DCAF6: variants seen among roughly 807,000 people sequenced by gnomAD.
DCAF6 encodes DDB1 and CUL4 associated factor 6, also known as DDB1- and CUL4-associated factor 6.
DCAF6 carries 54 observed loss-of-function variants against 125.1 expected under a neutral mutation model. That is an observed-to-expected ratio of 0.43 (90% CI 0.35 to 0.54). DCAF6 has a LOEUF of 0.54. Among genes scored for constraint, DCAF6 ranks in the 20% least tolerant of loss-of-function variants. The probability of loss-of-function intolerance (pLI) is 0.01; values close to 1 mark genes in which losing one functional copy is unlikely to be tolerated. For synonymous variants in DCAF6, 371 were observed against 390.4 expected (o/e 0.95, Z 0.58); for missense variants, 934 against 1,161.7 (o/e 0.80, Z 2.85).
intron 10 of DCAF6, among the ~76,000 whole-genome samples, chr1:168,010,114 G>A (rs1368224348): frequency 6.6e-6 from 1 of 152,168 alleles, no homozygotes; most frequent in Non-Finnish European, 1.5e-5. Flanking sequence ...GAGAGATGCT[G>A]TGATTAGCTG....
At chr1:167,913,690 G>A in the DCAF6 span, among the ~76,000 whole-genome samples, 2 of 150,962 alleles carry the variant, frequency 1.3e-5, no homozygotes, top group South Asian at 4.3e-4. Flanking sequence ...GGTAGTTGTT[G>A]ACTGATAAAA....
chr1:168,025,984 T>C (rs1034114432), intron 12 of DCAF6, among the ~76,000 whole-genome samples: 1 of 152,194 alleles, frequency 6.6e-6, no homozygotes, highest in Non-Finnish European at 1.5e-5. Flanking sequence ...TTACATCCCT[T>C]GTACAGGCTG....
At chr1:167,895,305 G>T in the DCAF6 span, among the ~76,000 whole-genome samples, 40 of 152,244 alleles carry the variant, frequency 2.6e-4, no homozygotes, top group African/African-American at 9.6e-4. Context: ...CAAGGAGTGG[G>T]TAATGTCATG....
At chr1:168,014,561 C>T (rs528455477) in intron 10 of DCAF6, among the ~76,000 whole-genome samples, 18 of 152,194 alleles carry the variant, frequency 1.2e-4, no homozygotes, top group Non-Finnish European at 2.4e-4. Flanking sequence ...TACCTAATTT[C>T]TCCACTTGGA....
At chr1:167,883,417 A>G in the DCAF6 span, 1 of 1,612,708 alleles carries the variant, frequency 6.2e-7, no homozygotes, top group Non-Finnish European at 8.5e-7. Flanking sequence ...GTAGGTTCCC[A>G]TCCCATAGTT....
the DCAF6 span, among the ~76,000 whole-genome samples, chr1:167,877,468 G>A: frequency 2.6e-5 from 4 of 151,652 alleles, no homozygotes; most frequent in Admixed American, 6.6e-5. Flanking sequence ...TGAAGACCTC[G>A]ATTCCAGCTT....
At chr1:167,879,540 C>T in the DCAF6 span, among the ~76,000 whole-genome samples, 6 of 152,288 alleles carry the variant, frequency 3.9e-5, no homozygotes, top group South Asian at 6.2e-4. Flanking sequence ...GCCCCATCCT[C>T]ACCCCCATAC....
At chr1:167,875,322 C>T in the DCAF6 span, 1 of 828,294 alleles carries the variant, frequency 1.2e-6, no homozygotes, top group Non-Finnish European at 2.0e-6. Flanking sequence ...TCACGGGTCG[C>T]AAACGCCAAA....
chr1:167,870,511 G>C, the DCAF6 span: 2 of 1,095,324 alleles, frequency 1.8e-6, no homozygotes, highest in South Asian at 2.7e-5. Context: ...AATATCCTTG[G>C]GCCAGGCGCT....
chr1:167,903,758 T>C, the DCAF6 span: 1 of 714,506 alleles, frequency 1.4e-6, no homozygotes, highest in Non-Finnish European at 2.5e-6. Context: ...AAAAGACTGG[T>C]TTTATACACA....
intron 6 of DCAF6, among the ~76,000 whole-genome samples, chr1:167,992,319 A>T (rs1019316051): frequency 5.9e-5 from 9 of 151,424 alleles, no homozygotes; most frequent in Admixed American, 1.3e-4. Flanking sequence ...CACATATTTT[A>T]TATTGTTAAA....
At chr1:167,903,997 A>G in the DCAF6 span, 1 of 1,602,306 alleles carries the variant, frequency 6.2e-7, no homozygotes, top group Non-Finnish European at 8.5e-7. Flanking sequence ...AAAACCTGGA[A>G]TAAATGTGCA....
intron 3 of DCAF6, among the ~76,000 whole-genome samples, chr1:167,968,167 AACCAC>A (rs1676721815): frequency 6.6e-6 from 1 of 152,222 alleles, no homozygotes; most frequent in Non-Finnish European, 1.5e-5. Flanking sequence ...TAGTCAAAGA[AACCAC>A]ACAGTAATTT....
chr1:167,904,952 GTTGCTCA>G, the DCAF6 span: 14 of 1,613,888 alleles, frequency 8.7e-6, no homozygotes, highest in Admixed American at 1.7e-5. Flanking sequence ...ACGCGAGCCT[GTTGCTCA>G]TCCACATTAA....
At chr1:167,973,154 C>T (rs1310731726) in intron 3 of DCAF6, among the ~76,000 whole-genome samples, 5 of 152,134 alleles carry the variant, frequency 3.3e-5, no homozygotes, top group African/African-American at 9.7e-5. Context: ...AAAGGCTTTA[C>T]GTTAATTACT....
rs773086668 is a variant in DCAF6, at chr1:168,015,919, A to G, written c.1517A>G (p.His506Arg). 18 of 1,532,002 alleles carry G rather than the reference A, an allele frequency of 1.2e-5. No homozygotes were observed. Among genetic ancestry groups the G allele is most frequent in the Admixed American group, 4.1e-5 (2 of 48,464 alleles). 94.9% of individuals were successfully genotyped at this position (1,532,002 alleles called of 1,614,324 possible). A position where few individuals can be genotyped will look rare whatever the true frequency, so the allele number is the denominator to read the frequency against. Residue 506 changes from histidine to arginine, a missense_variant, in exon 11 of 22, where the codon CAT becomes CGT. Transcript: ENST00000367840. ...CCTTCCACTTCTGATCAGTCTTCTC[A>G]TGAGGGCTCTTCACAGGACCCTCAT... is the stretch of plus-strand genomic sequence containing the variant. ...QQPSTSDQSS[H>R]EGSSQDPHAS... is the part of the protein sequence containing the mutation.
rs1046237934 is a variant in DCAF6, at chr1:167,948,240, G to A, written c.98-3560G>A. Among the ~76,000 whole-genome samples the A allele has an allele frequency of 4.0e-5, 6 of 151,548 alleles. No individual in the cohort carries two copies. In the South Asian group the frequency reaches 1.2e-3, roughly 31 times the overall value. On this transcript the variant is annotated intron_variant, in intron 1 of 21. Transcript: ENST00000367840. ...AGTCTGATTATAATGTTGCCATGGT[G>A]GAGACCTTTTTACACTGTATTTGTC... is the stretch of plus-strand genomic sequence containing the variant.
At chr1:168,068,810 A>G (rs1175865735) in intron 21 of DCAF6, among the ~76,000 whole-genome samples, 2 of 152,180 alleles carry the variant, frequency 1.3e-5, no homozygotes, top group Non-Finnish European at 2.9e-5. Flanking sequence ...AATAAATGTG[A>G]CATGCTAAGA....
chr1:167,997,220 A>G (rs1043623922), intron 7 of DCAF6, among the ~76,000 whole-genome samples: 1 of 152,214 alleles, frequency 6.6e-6, no homozygotes, highest in Admixed American at 6.5e-5. Context: ...ATTTTATTCT[A>G]TAAATAATTG....
Sources: allele counts gnomAD v4.1 joint callset (sites outside exome capture counted in the v4.1 genomes callset), GRCh38; gene constraint gnomAD v4.1.1; transcripts MANE v1.5; gene names NCBI Gene and HGNC (gene_info 2026-07-23, HGNC 2026-07-21).